Variants in ULK4 observed in about 807,000 individuals in gnomAD.
The protein encoded by ULK4 is inactive serine/threonine-protein kinase ULK4.
In ULK4, 133 loss-of-function variants were observed where a neutral mutation model predicts 160.6. That is an observed-to-expected ratio of 0.83 (90% CI 0.72 to 0.96). The LOEUF (loss-of-function observed/expected upper bound fraction) is 0.96, where lower values mean the gene tolerates loss of function less well. Among genes scored for constraint, ULK4 ranks in the 40% least tolerant of loss-of-function variants. ULK4 has a pLI of 0.00. For synonymous variants in ULK4, 534 were observed against 539.8 expected (o/e 0.99, Z 0.15); for missense variants, 1,580 against 1,499.5 (o/e 1.05, Z -0.89).
chr3:41,417,231 G>A (rs909020685), intron 34 of ULK4, among the ~76,000 whole-genome samples: 8 of 152,114 alleles, frequency 5.3e-5, no homozygotes, highest in Admixed American at 3.3e-4. Flanking sequence ...GATTCTGGAA[G>A]GAAGAAAAAG....
At chr3:41,450,271 T>C (rs1575236756) in intron 34 of ULK4, among the ~76,000 whole-genome samples, 1 of 152,166 alleles carries the variant, frequency 6.6e-6, no homozygotes, top group Non-Finnish European at 1.5e-5. Context: ...ATTAGCCATA[T>C]CTTATACTAT....
At chr3:41,390,714 T>G (rs937876121) in intron 35 of ULK4, among the ~76,000 whole-genome samples, 8 of 152,252 alleles carry the variant, frequency 5.3e-5, no homozygotes, top group African/African-American at 1.4e-4. Context: ...TAGTTTGATT[T>G]CACTGTGGTC....
chr3:41,809,989 C>T (rs1366425206), intron 19 of ULK4, among the ~76,000 whole-genome samples: 1 of 152,176 alleles, frequency 6.6e-6, no homozygotes, highest in African/African-American at 2.4e-5. Flanking sequence ...AAGATGACAG[C>T]TAATTGAAGT....
chr3:41,388,717 C>G (rs1230155156), intron 35 of ULK4, among the ~76,000 whole-genome samples: 1 of 152,006 alleles, frequency 6.6e-6, no homozygotes, highest in Non-Finnish European at 1.5e-5. Context: ...GGGCTCTGTT[C>G]TGTTCCATTG....
At chr3:41,605,571 T>C (rs146636426) in intron 31 of ULK4, among the ~76,000 whole-genome samples, 45 of 152,106 alleles carry the variant, frequency 3.0e-4, no homozygotes, top group African/African-American at 9.6e-4. Context: ...CTAAATTTAA[T>C]TTTTACATGG....
intron 31 of ULK4, among the ~76,000 whole-genome samples, chr3:41,574,449 T>A (rs553605140): frequency 7.3e-5 from 11 of 151,248 alleles, no homozygotes; most frequent in Admixed American, 7.3e-4. Context: ...CATCAGGCAA[T>A]TGGCATCCTT....
rs564456516 is a variant in ULK4, at chr3:41,841,607, G to A, written c.1657-5636C>T. Among the ~76,000 whole-genome samples the A allele has an allele frequency of 1.2e-4, 18 of 152,274 alleles. No homozygotes were observed. The East Asian group carries it at 2.9e-3, about 24-fold the overall frequency. On this transcript the variant is annotated intron_variant, in intron 17 of 36. Transcript: ENST00000301831. ...AAGTGAGGAGTGCCTCTGCCAGGCC[G>A]CCCCATCTGGGAAGTGTACCCAACA...
chr3:41,430,053 A>T (rs139512405), intron 34 of ULK4, among the ~76,000 whole-genome samples: 1 of 152,234 alleles, frequency 6.6e-6, no homozygotes, highest in African/African-American at 2.4e-5. Context: ...CTTAAATAAT[A>T]TAAGATTAAG....
At chr3:41,646,193 T>G (rs2034480965) in intron 30 of ULK4, among the ~76,000 whole-genome samples, 1 of 152,198 alleles carries the variant, frequency 6.6e-6, no homozygotes, top group Admixed American at 6.5e-5. Context: ...TCCATTTACA[T>G]TTAAAGTTAA....
chr3:41,267,475 C>A (rs956615569), intron 35 of ULK4, among the ~76,000 whole-genome samples: 1 of 152,132 alleles, frequency 6.6e-6, no homozygotes, highest in Admixed American at 6.5e-5. Flanking sequence ...AATAAACATA[C>A]GTGTGCATGT....
At chr3:41,551,148 G>C (rs1285140032) in intron 32 of ULK4, among the ~76,000 whole-genome samples, 1 of 151,186 alleles carries the variant, frequency 6.6e-6, no homozygotes. Flanking sequence ...TGCTAAGAGG[G>C]AAGTTTATAG....
chr3:41,436,060 C>A (rs760548069), intron 34 of ULK4, among the ~76,000 whole-genome samples: 2 of 152,204 alleles, frequency 1.3e-5, no homozygotes, highest in Admixed American at 6.5e-5. Flanking sequence ...AAGCGATACG[C>A]ATTCAGTAGA....
In ULK4 at chr3:41,746,272, C is replaced by CAAAAAAAAAA. The variant is rs34582395; in HGVS notation, c.2321+8079_2321+8088dup. 1.5e-3 allele frequency among the ~76,000 whole-genome samples: 69 copies of CAAAAAAAAAA among 45,702 alleles called. 4 individuals carry two copies. Among genetic ancestry groups the CAAAAAAAAAA allele is most frequent in the African/African-American group, 6.8e-3 (64 of 9,392 alleles). 30.0% of individuals were successfully genotyped at this position (45,702 alleles called of 152,430 possible). Reference sequence around the variant, plus strand: ...TATATAGAAAATCTCCTGGAACCCACAAAAAAAAAAAAAAAAAAAAAAAAC... The same window carrying CAAAAAAAAAA: ...TATATAGAAAATCTCCTGGAACCCACAAAAAAAAAAAAAAAAAAAAAAAAAAAAAAAAAAC... On this transcript the variant is annotated intron_variant, in intron 22 of 36. Coordinates refer to ENST00000301831, the MANE Select transcript of ULK4 (RefSeq NM_017886.4).
intron 32 of ULK4, among the ~76,000 whole-genome samples, chr3:41,501,184 ACAGT>A (rs955202202): frequency 1.4e-5 from 2 of 139,568 alleles, no homozygotes; most frequent in African/African-American, 5.2e-5. Flanking sequence ...AGTTTGGAAA[ACAGT>A]CAGTTTTTAA....
At chr3:41,877,907 G>T (rs1204372526) in intron 17 of ULK4, among the ~76,000 whole-genome samples, 1 of 151,812 alleles carries the variant, frequency 6.6e-6, no homozygotes, top group Non-Finnish European at 1.5e-5. Context: ...CTTGAACCCG[G>T]GAGGCAGAGG....
intron 17 of ULK4, among the ~76,000 whole-genome samples, chr3:41,858,831 A>C (rs1031609454): frequency 6.6e-6 from 1 of 152,058 alleles, no homozygotes; most frequent in African/African-American, 2.4e-5. Context: ...CCCCATAGAA[A>C]GCAGAAAAAT....
At chr3:41,801,052 G>T (rs1438987550) in intron 19 of ULK4, among the ~76,000 whole-genome samples, 1 of 152,118 alleles carries the variant, frequency 6.6e-6, no homozygotes, top group African/African-American at 2.4e-5. Flanking sequence ...ATGACTGATA[G>T]ACTTAGTAGA....
At position 41,911,552 on chromosome 3, in the gene ULK4, G is replaced by T; in HGVS notation, c.1004C>A (p.Ser335Tyr). The T allele has an allele frequency of 6.2e-7, 1 of 1,613,658 alleles. No individual in the cohort carries two copies. The highest frequency in any genetic ancestry group is 2.2e-5 in the East Asian group (1 of 44,862). The change falls in exon 10 of 37, where the codon TCT (serine) becomes TAT (tyrosine). Residue 335 changes from serine to tyrosine, a missense_variant. Ser to Tyr is a moderately radical substitution (Grantham distance 144, BLOSUM62 -2). Coordinates refer to ENST00000301831, the MANE Select transcript of ULK4 (RefSeq NM_017886.4). ...GHKSGQPLGH[S>Y]FRLENPTEFR... ...CAAATAAAACTTACCTAGTCTGAAA[G>T]AGTGACCTAGTGGTTGACCACTCTT...
intron 5 of ULK4, among the ~76,000 whole-genome samples, chr3:41,931,475 A>AAAAAT: frequency 6.6e-6 from 1 of 151,748 alleles, no homozygotes; most frequent in Non-Finnish European, 1.5e-5. Context: ...GAACTTAAAA[A>AAAAAT]AAAAAAAAAA....
Sources: gnomAD v4.1 joint callset for allele counts (sites outside exome capture counted in the v4.1 genomes callset) on GRCh38, gnomAD v4.1.1 for gene constraint, MANE v1.5 for transcripts, NCBI Gene and HGNC (gene_info 2026-07-23, HGNC 2026-07-21) for gene names.